COG5: variants seen among roughly 807,000 people sequenced by gnomAD.
COG5 encodes conserved oligomeric Golgi complex subunit 5.
COG5 carries 86 observed loss-of-function variants against 110.4 expected under a neutral mutation model. The observed-to-expected ratio is 0.78, with a 90% CI of 0.65 to 0.93. The LOEUF is 0.93. COG5 is among the 40% of genes least tolerant of loss of function. The probability of loss-of-function intolerance (pLI) is 0.00; values close to 1 mark genes in which losing one functional copy is unlikely to be tolerated. For synonymous variants in COG5, 360 were observed against 334.6 expected (o/e 1.08, Z -0.83); for missense variants, 1,077 against 987.0 (o/e 1.09, Z -1.22).
At chr7:107,394,236 T>G (rs1403049622) in intron 7 of COG5, among the ~76,000 whole-genome samples, 1 of 151,548 alleles carries the variant, frequency 6.6e-6, no homozygotes, top group Non-Finnish European at 1.5e-5. Flanking sequence ...ATGCTGTGAT[T>G]ACAGGCGTGA....
At chr7:107,385,316 G>C (rs914103003) in intron 7 of COG5, among the ~76,000 whole-genome samples, 2 of 152,116 alleles carry the variant, frequency 1.3e-5, no homozygotes, top group Admixed American at 6.5e-5. Context: ...GAGAAAATAC[G>C]TTTCTATTGT....
chr7:107,521,279 C>CA (rs1800301484), intron 6 of COG5, among the ~76,000 whole-genome samples: 1 of 152,030 alleles, frequency 6.6e-6, no homozygotes, highest in Non-Finnish European at 1.5e-5. Flanking sequence ...GCAACAAAAA[C>CA]AAAAATTGAT....
chr7:107,513,284 G>A (rs1188043391), intron 6 of COG5, among the ~76,000 whole-genome samples: 5 of 151,802 alleles, frequency 3.3e-5, no homozygotes, highest in East Asian at 1.9e-4. Flanking sequence ...GCAGCCAAAA[G>A]ACACATGAAA....
Position 107,533,543 on chromosome 7 carries a change from A to G in COG5, c.418-6186T>C, listed in dbSNP as rs1189358564. ...TACACAAGTATCAATAGCCGAATAG[A>G]TCAAGTGGAAGAAAGGATATCAGAG... On this transcript the variant is annotated intron_variant, in intron 5 of 21. Transcript: ENST00000297135. Among the ~76,000 whole-genome samples the G allele has an allele frequency of 2.0e-5, 3 of 151,784 alleles. No homozygotes were observed. In the South Asian group the frequency reaches 6.2e-4, roughly 31 times the overall value.
chr7:107,469,233 A>T (rs1259960123), intron 6 of COG5, among the ~76,000 whole-genome samples: 34 of 151,916 alleles, frequency 2.2e-4, no homozygotes, highest in African/African-American at 8.2e-4. Context: ...AAGAAACAGC[A>T]ATCTACTAAG....
chr7:107,526,000 T>C (rs1371911506), intron 6 of COG5, among the ~76,000 whole-genome samples: 1 of 152,220 alleles, frequency 6.6e-6, no homozygotes, highest in Non-Finnish European at 1.5e-5. Flanking sequence ...ATTGCAATGC[T>C]GTTGAAGCAT....
At chr7:107,255,743 C>T (rs1445333941) in intron 16 of COG5, among the ~76,000 whole-genome samples, 1 of 151,990 alleles carries the variant, frequency 6.6e-6, no homozygotes, top group Non-Finnish European at 1.5e-5. Context: ...AGCTTATTTA[C>T]TTGTTTGAGG....
chr7:107,562,181 C>G (rs1324352427), intron 1 of COG5, among the ~76,000 whole-genome samples: 1 of 151,942 alleles, frequency 6.6e-6, no homozygotes, highest in Non-Finnish European at 1.5e-5. Flanking sequence ...GAGCTTGAAG[C>G]GAAAGGTTTG....
chr7:107,520,089 T>C (rs1330072474), intron 6 of COG5, among the ~76,000 whole-genome samples: 1 of 152,154 alleles, frequency 6.6e-6, no homozygotes, highest in African/African-American at 2.4e-5. Context: ...CTGATAAAAT[T>C]CAACACACCT....
At chr7:107,404,136 T>C (rs867563730) in intron 7 of COG5, among the ~76,000 whole-genome samples, 1 of 152,212 alleles carries the variant, frequency 6.6e-6, no homozygotes, top group Non-Finnish European at 1.5e-5. Context: ...CTGGTAAAGA[T>C]AGCACTAAAG....
chr7:107,523,541 G>A lies in COG5; in HGVS notation c.538+3696C>T, dbSNP rs532960414. ...GTAAGAATGTAAACATTGGCTGGGC[G>A]CGGTGGTTCACGCCTGTAATCCCAG... On this transcript the variant is annotated intron_variant, in intron 6 of 21. Transcript: ENST00000297135. Among the ~76,000 whole-genome samples the A allele has an allele frequency of 4.6e-5, 7 of 152,056 alleles. No homozygotes were observed. The East Asian group carries it at 7.7e-4, about 17-fold the overall frequency.
intron 18 of COG5, 62 bp from the exon 19 acceptor site, chr7:107,230,753 G>A (rs1800716865): frequency 1.5e-6 from 2 of 1,293,678 alleles, no homozygotes; most frequent in Non-Finnish European, 1.1e-6. Flanking sequence ...ATTTGGGAAA[G>A]ACCCGGATCA....
chr7:107,379,348 G>C (rs756534882), intron 7 of COG5, among the ~76,000 whole-genome samples: 18 of 152,138 alleles, frequency 1.2e-4, no homozygotes, highest in Non-Finnish European at 2.2e-4. Flanking sequence ...GGACACTATG[G>C]AGAAACTGCA....
At chr7:107,362,259 C>A in intron 9 of COG5, 49 bp downstream of exon 9, 1 of 1,483,512 alleles carries the variant, frequency 6.7e-7, no homozygotes, top group Non-Finnish European at 9.4e-7. Context: ...TTTGGAATAA[C>A]CAGGAGTTAA....
chr7:107,469,761 C>A (rs938141353), intron 6 of COG5, among the ~76,000 whole-genome samples: 2 of 151,930 alleles, frequency 1.3e-5, no homozygotes, highest in East Asian at 3.9e-4. Context: ...CTATGTAATT[C>A]TTTCCTGTTC....
At chr7:107,338,221 G>T (rs1226786648) in intron 10 of COG5, among the ~76,000 whole-genome samples, 2 of 152,066 alleles carry the variant, frequency 1.3e-5, no homozygotes, top group East Asian at 1.9e-4. Context: ...AAAACTAGTG[G>T]TCTCATACAT....
intron 13 of COG5, among the ~76,000 whole-genome samples, chr7:107,281,752 T>C (rs1490965519): frequency 2.0e-5 from 3 of 152,150 alleles, no homozygotes; most frequent in African/African-American, 2.4e-5. Context: ...TGCAAGGAAA[T>C]GACAGCTCTT....
chr7:107,263,709 T>C (rs1020471435), intron 14 of COG5, among the ~76,000 whole-genome samples: 1 of 152,202 alleles, frequency 6.6e-6, no homozygotes, highest in African/African-American at 2.4e-5. Flanking sequence ...CTGAACAAAA[T>C]ATTCTTCAGA....
chr7:107,374,111 C>T (rs1814427099), intron 7 of COG5, among the ~76,000 whole-genome samples: 1 of 151,988 alleles, frequency 6.6e-6, no homozygotes, highest in South Asian at 2.1e-4. Flanking sequence ...TTAGTATGGT[C>T]ATAATAGAGC....
Sources: gnomAD v4.1 joint callset for allele counts (sites outside exome capture counted in the v4.1 genomes callset) on GRCh38, gnomAD v4.1.1 for gene constraint, MANE v1.5 for transcripts, NCBI Gene and HGNC (gene_info 2026-07-23, HGNC 2026-07-21) for gene names.